The following JMJD1C variants were observed in gnomAD, a reference collection of about 807,000 sequenced individuals.
JMJD1C encodes jumonji domain-containing protein 1C.
JMJD1C carries 31 observed loss-of-function variants against 245.3 expected under a neutral mutation model. That is an observed-to-expected ratio of 0.13 (90% CI 0.09 to 0.17). The LOEUF is 0.17. Among genes scored for constraint, JMJD1C ranks in the 10% least tolerant of loss-of-function variants. JMJD1C has a pLI of 1.00. For missense variants in JMJD1C, 2,691 were observed against 3,000.2 expected (o/e 0.90, Z 2.41); for synonymous variants, 1,057 against 1,017.4 (o/e 1.04, Z -0.74).
At chr10:63,178,366 C>T (rs1843063278) in intron 22 of JMJD1C, among the ~76,000 whole-genome samples, 1 of 152,168 alleles carries the variant, frequency 6.6e-6, no homozygotes. Context: ...AACCAAGAAG[C>T]AGGAGATAGA....
Position 63,203,717 on chromosome 10 carries a change from T to C in JMJD1C, c.5074+2878A>G, listed in dbSNP as rs542384519. The C allele has an allele frequency of 2.4e-5, 24 of 982,714 alleles. No individual in the cohort carries two copies. The South Asian group carries it at 1.1e-3, about 44-fold the overall frequency. 60.9% of individuals were successfully genotyped at this position (982,714 alleles called of 1,614,324 possible). Reference sequence around the variant, plus strand: ...CAGAGAGGAAGACATTCCAAAAGAGTAGATAAGACAAAATCTATTATATCT... The same window carrying C: ...CAGAGAGGAAGACATTCCAAAAGAGCAGATAAGACAAAATCTATTATATCT... On this transcript the variant is annotated intron_variant, in intron 10 of 25. Coordinates refer to ENST00000399262, the MANE Select transcript of JMJD1C (RefSeq NM_032776.3).
intron 1 of JMJD1C, among the ~76,000 whole-genome samples, chr10:63,476,837 A>AGAG (rs980138546): frequency 6.6e-6 from 1 of 152,188 alleles, no homozygotes; most frequent in African/African-American, 2.4e-5. Context: ...GGGTGAGGCA[A>AGAG]GAGGACCACT....
Position 63,208,135 on chromosome 10 carries a change from G to A in JMJD1C, c.3534C>T (p.Thr1178=). 7 of 1,614,168 alleles carry A rather than the reference G, an allele frequency of 4.3e-6. No individual in the cohort carries two copies. Among genetic ancestry groups the A allele is most frequent in the East Asian group, 2.2e-5 (1 of 44,884 alleles). ...PHQIASHSVT[T]FRNDCRSPTH... is the part of the protein sequence containing the mutation. Reference sequence around the variant, plus strand: ...TAGGACTCCTACAATCATTTCTGAAGGTTGTTACTGAGTGAGATGCAATCT... The same window carrying A: ...TAGGACTCCTACAATCATTTCTGAAAGTTGTTACTGAGTGAGATGCAATCT... Residue 1178 remains threonine, a synonymous_variant, in exon 10 of 26, where the codon ACC becomes ACT. Transcript: ENST00000399262.
chr10:63,187,685 C>T (rs1446785636), intron 18 of JMJD1C, among the ~76,000 whole-genome samples: 2 of 152,188 alleles, frequency 1.3e-5, no homozygotes, highest in Non-Finnish European at 2.9e-5. Flanking sequence ...GATCAATCGT[C>T]CCACCTTGGC....
intron 3 of JMJD1C, among the ~76,000 whole-genome samples, chr10:63,242,203 A>AT (rs549235458): frequency 2.2e-4 from 34 of 152,294 alleles, no homozygotes; most frequent in African/African-American, 7.7e-4. Context: ...CATGGATGTC[A>AT]TTTTCTGTGC....
At chr10:63,223,144 A>AAC (rs1848809296) in intron 3 of JMJD1C, 3 of 602,908 alleles carry the variant, frequency 5.0e-6, no homozygotes, top group Non-Finnish European at 5.7e-6. Flanking sequence ...AAAAAAAAAA[A>AAC]CCCAAACAAA....
intron 2 of JMJD1C, among the ~76,000 whole-genome samples, chr10:63,332,132 C>A (rs909556132): frequency 1.3e-5 from 2 of 152,048 alleles, no homozygotes; most frequent in Non-Finnish European, 2.9e-5. Flanking sequence ...AAAACAAAAC[C>A]AAACTCTATA....
At chr10:63,305,510 A>G (rs1229012410) in intron 2 of JMJD1C, among the ~76,000 whole-genome samples, 1 of 73,232 alleles carries the variant, frequency 1.4e-5, no homozygotes, top group African/African-American at 4.4e-5. Flanking sequence ...GCAAGGTCTG[A>G]CCCTCTCTCT....
At chr10:63,457,271 T>C (rs537618460) in intron 1 of JMJD1C, among the ~76,000 whole-genome samples, 1 of 152,272 alleles carries the variant, frequency 6.6e-6, no homozygotes, top group East Asian at 1.9e-4. Context: ...TGGAAAAACA[T>C]TTAAGATGAA....
chr10:63,373,767 C>T, intron 2 of JMJD1C, among the ~76,000 whole-genome samples: 1 of 152,124 alleles, frequency 6.6e-6, no homozygotes, highest in East Asian at 1.9e-4. Context: ...TATAGTATTT[C>T]ATTACGCTGT....
At chr10:63,218,201 T>C (rs1288406667) in intron 4 of JMJD1C, among the ~76,000 whole-genome samples, 1 of 151,988 alleles carries the variant, frequency 6.6e-6, no homozygotes, top group Non-Finnish European at 1.5e-5. Flanking sequence ...AAGTGAGAGG[T>C]TGACAGATTA....
intron 2 of JMJD1C, among the ~76,000 whole-genome samples, chr10:63,327,667 A>G (rs63698462): frequency 1.7e-5 from 1 of 57,206 alleles, no homozygotes; most frequent in Non-Finnish European, 4.5e-5. Context: ...GGGTACACAG[A>G]AAAAATTTTT....
chr10:63,284,130 A>C (rs974283774), intron 2 of JMJD1C, among the ~76,000 whole-genome samples: 1 of 151,826 alleles, frequency 6.6e-6, no homozygotes, highest in South Asian at 2.1e-4. Context: ...GGTTCAAGCT[A>C]TTCTCTTGCC....
chr10:63,266,896 T>C (rs1855642189), intron 2 of JMJD1C, among the ~76,000 whole-genome samples: 1 of 152,136 alleles, frequency 6.6e-6, no homozygotes, highest in Non-Finnish European at 1.5e-5. Flanking sequence ...GCTCTCCTTT[T>C]CAAGGTAGGC....
intron 1 of JMJD1C, among the ~76,000 whole-genome samples, chr10:63,487,890 T>C (rs1214720724): frequency 1.3e-5 from 2 of 152,210 alleles, no homozygotes; most frequent in African/African-American, 4.8e-5. Context: ...ACCAGGATGC[T>C]AGTTCACATT....
chr10:63,285,133 T>C (rs1370325275), intron 2 of JMJD1C, among the ~76,000 whole-genome samples: 1 of 152,062 alleles, frequency 6.6e-6, no homozygotes, highest in African/African-American at 2.4e-5. Flanking sequence ...ACACCATTGA[T>C]AACAAAATGT....
intron 1 of JMJD1C, among the ~76,000 whole-genome samples, chr10:63,473,514 T>G (rs964472020): frequency 1.3e-5 from 2 of 151,902 alleles, no homozygotes; most frequent in African/African-American, 2.4e-5. Flanking sequence ...CCCAAAGTGC[T>G]GGGATTTCAG....
chr10:63,504,068 G>A (rs1463049042), intron 1 of JMJD1C, among the ~76,000 whole-genome samples: 2 of 152,090 alleles, frequency 1.3e-5, no homozygotes, highest in Non-Finnish European at 1.5e-5. Flanking sequence ...TTTTGGTTGA[G>A]GTATACTACA....
intron 3 of JMJD1C, among the ~76,000 whole-genome samples, chr10:63,249,143 C>T (rs1409336863): frequency 2.0e-5 from 3 of 152,132 alleles, no homozygotes; most frequent in African/African-American, 4.8e-5. Flanking sequence ...TGATAAAACC[C>T]TGTCTCTACT....
Sources: gnomAD v4.1 joint callset for allele counts (sites outside exome capture counted in the v4.1 genomes callset) on GRCh38, gnomAD v4.1.1 for gene constraint, MANE v1.5 for transcripts, NCBI Gene and HGNC (gene_info 2026-07-23, HGNC 2026-07-21) for gene names.